Variants in NGF observed in about 807,000 individuals in gnomAD.
NGF encodes the protein beta-nerve growth factor.
In NGF, 4 loss-of-function variants were observed where a neutral mutation model predicts 12.8. That is an observed-to-expected ratio of 0.31 (90% CI 0.15 to 0.72). The LOEUF (loss-of-function observed/expected upper bound fraction) is 0.72, where lower values mean the gene tolerates loss of function less well. Among genes scored for constraint, NGF ranks in the 30% least tolerant of loss-of-function variants. The probability of loss-of-function intolerance (pLI) is 0.69; values close to 1 mark genes in which losing one functional copy is unlikely to be tolerated. For missense variants in NGF, 283 were observed against 330.8 expected (o/e 0.86, Z 1.12); for synonymous variants, 140 against 130.0 (o/e 1.08, Z -0.52).
chr1:115,331,217 T>C (rs1654913050), intron 1 of NGF, among the ~76,000 whole-genome samples: 1 of 152,180 alleles, frequency 6.6e-6, no homozygotes, highest in South Asian at 2.1e-4. Flanking sequence ...TCAGTTGGCA[T>C]CATGATTCCC....
intron 1 of NGF, among the ~76,000 whole-genome samples, chr1:115,311,319 T>A (rs1654330401): frequency 2.0e-5 from 3 of 152,234 alleles, no homozygotes; most frequent in Admixed American, 2.0e-4. Flanking sequence ...CTTGGAGTTG[T>A]CATCCAGATC....
In NGF at chr1:115,315,301, G is replaced by A. The variant is rs906938544; in HGVS notation, c.-136-21551C>T. 3.9e-5 allele frequency among the ~76,000 whole-genome samples: 6 copies of A among 152,200 alleles called. No individual in the cohort carries two copies. In the South Asian group the frequency reaches 1.2e-3, roughly 31 times the overall value. ...ACAATGGGGACCAAGAAGAGAAACCGGAAGATCAGTTAGGCAGCTCCTGCA... is the reference window on the plus strand; with the variant it reads ...ACAATGGGGACCAAGAAGAGAAACCAGAAGATCAGTTAGGCAGCTCCTGCA... On this transcript the variant is annotated intron_variant, in intron 1 of 2. Coordinates refer to ENST00000369512, the MANE Select transcript of NGF (RefSeq NM_002506.3).
chr1:115,300,685 A>C (rs548011566), intron 1 of NGF, among the ~76,000 whole-genome samples: 29 of 152,346 alleles, frequency 1.9e-4, no homozygotes, highest in African/African-American at 7.0e-4. Flanking sequence ...ATCTGACTCA[A>C]GGCATGAAAG....
intron 2 of NGF, among the ~76,000 whole-genome samples, chr1:115,289,508 G>C (rs1653618145): frequency 6.6e-6 from 1 of 152,018 alleles, no homozygotes; most frequent in Non-Finnish European, 1.5e-5. Context: ...TCCCATACCT[G>C]GATCTCGAAT....
At chr1:115,311,636 G>C (rs1027935852) in intron 1 of NGF, among the ~76,000 whole-genome samples, 1 of 152,116 alleles carries the variant, frequency 6.6e-6, no homozygotes, top group Non-Finnish European at 1.5e-5. Flanking sequence ...CAGAGGCTGA[G>C]AAATCCTGCC....
At chr1:115,322,521 TC>T (rs1477185339) in intron 1 of NGF, among the ~76,000 whole-genome samples, 1 of 151,670 alleles carries the variant, frequency 6.6e-6, no homozygotes, top group Non-Finnish European at 1.5e-5. Flanking sequence ...GGCTGCACTG[TC>T]CCCCCCTAAA....
Position 115,337,267 on chromosome 1 carries a change from G to GTTTGTTTTTTT in NGF, c.-137+936_-137+937insAAAAAAACAAA. Among the ~76,000 whole-genome samples the GTTTGTTTTTTT allele has an allele frequency of 1.7e-3, 136 of 81,010 alleles. 7 individuals carry two copies. Among genetic ancestry groups the GTTTGTTTTTTT allele is most frequent in the South Asian group, 2.8e-3 (7 of 2,496 alleles). 53.1% of individuals were successfully genotyped at this position (81,010 alleles called of 152,430 possible). On this transcript the variant is annotated intron_variant, in intron 1 of 2. Transcript: ENST00000369512. ...TCGAAATTTTTTTTGTTTTGTTTTT[G>GTTTGTTTTTTT]TTTTTTTTTTTTTTTTTTTTTTTTT... is the stretch of plus-strand genomic sequence containing the variant.
At chr1:115,337,267 G>GTTTTTTTTTTTTTTTTTTTTT (rs67307707) in intron 1 of NGF, among the ~76,000 whole-genome samples, 5 of 81,028 alleles carry the variant, frequency 6.2e-5, no homozygotes, top group East Asian at 7.3e-4. Flanking sequence ...TTTTGTTTTT[G>GTTTTTTTTTTTTTTTTTTTTT]TTTTTTTTTT....
intron 2 of NGF, among the ~76,000 whole-genome samples, chr1:115,292,602 G>A (rs560857726): frequency 1.3e-5 from 2 of 152,308 alleles, no homozygotes; most frequent in South Asian, 4.1e-4. Flanking sequence ...CCAGTGAGTG[G>A]CAGGGCCAGT....
intron 1 of NGF, 87 bp from the exon 2 acceptor site, chr1:115,293,837 A>G (rs1484082338): frequency 6.6e-6 from 1 of 152,642 alleles, no homozygotes; most frequent in Non-Finnish European, 1.5e-5. Flanking sequence ...CAATAGGACA[A>G]ATTCCATTTC....
intron 1 of NGF, among the ~76,000 whole-genome samples, chr1:115,294,926 G>T (rs1178740416): frequency 6.6e-6 from 1 of 152,200 alleles, no homozygotes; most frequent in Non-Finnish European, 1.5e-5. Context: ...ACAAGAGGGT[G>T]ATATTTACGG....
At position 115,286,243 on chromosome 1, in the gene NGF, C is replaced by T. The variant is rs141889164; in HGVS notation, c.553G>A (p.Val185Ile). 128 of 1,614,190 alleles carry T rather than the reference C, an allele frequency of 7.9e-5. 1 individual carries two copies. The African/African-American group carries it at 1.1e-3, about 13-fold the overall frequency. ...FETKCRDPNPVDSGCRGIDSK... is the reference protein window; with the variant it reads ...FETKCRDPNPIDSGCRGIDSK... ...TCAATGCCCCGGCACCCGCTGTCAA[C>T]GGGATTTGGGTCCCGGCACTTGGTC... The change falls in exon 3 of 3, where the codon GTT becomes ATT. Residue 185 changes from valine (V) to isoleucine (I), a missense_variant. Physicochemically the swap from Val to Ile is conservative, Grantham distance 29 (BLOSUM62 3). Transcript: ENST00000369512.
At position 115,300,094 on chromosome 1, in the gene NGF, A is replaced by C. The variant is rs138149106; in HGVS notation, c.-136-6344T>G. Among the ~76,000 whole-genome samples the C allele has an allele frequency of 4.2e-3, 640 of 152,338 alleles. 7 individuals carry two copies. The highest frequency in any genetic ancestry group is 0.037 in the Middle Eastern group (11 of 294). ...CCCTTTATTCTATTTGCTTTATAGG[A>C]TTGAATGTCCTCGGCTCTTCTTGAG... On this transcript the variant is annotated intron_variant, in intron 1 of 2. Coordinates refer to ENST00000369512, the MANE Select transcript of NGF (RefSeq NM_002506.3).
At chr1:115,335,653 A>G (rs942750214) in intron 1 of NGF, among the ~76,000 whole-genome samples, 2 of 152,098 alleles carry the variant, frequency 1.3e-5, no homozygotes, top group African/African-American at 4.8e-5. Flanking sequence ...AGGTCTCTTA[A>G]GGCTTGCTCT....
In NGF at chr1:115,325,930, C is replaced by T. The variant is rs75778219; in HGVS notation, c.-137+12274G>A. 1.4e-3 allele frequency among the ~76,000 whole-genome samples: 217 copies of T among 152,174 alleles called. 2 individuals carry two copies. The East Asian group carries it at 0.034, about 24-fold the overall frequency. ...GTAGAGAAGACTAGGAGAAAAGTAG[C>T]TTGGGGGTTAAAAAAAATTCTAAAT... is the stretch of plus-strand genomic sequence containing the variant. On this transcript the variant is annotated intron_variant, in intron 1 of 2. Coordinates refer to ENST00000369512, the MANE Select transcript of NGF (RefSeq NM_002506.3).
intron 1 of NGF, among the ~76,000 whole-genome samples, chr1:115,296,070 A>G (rs1251467075): frequency 6.6e-6 from 1 of 152,218 alleles, no homozygotes; most frequent in East Asian, 1.9e-4. Context: ...ATCTGGCCAG[A>G]CTAGTTAGAG....
intron 1 of NGF, among the ~76,000 whole-genome samples, chr1:115,329,744 C>CTTTTTTT (rs1039991768): frequency 2.1e-4 from 22 of 103,950 alleles, no homozygotes; most frequent in Admixed American, 3.2e-4. Context: ...TTCTTTCTTT[C>CTTTTTTT]TTTTTTTTTT....
intron 1 of NGF, among the ~76,000 whole-genome samples, chr1:115,296,012 G>A (rs1224006983): frequency 6.6e-6 from 1 of 152,210 alleles, no homozygotes; most frequent in East Asian, 1.9e-4. Context: ...TAAGTATGAT[G>A]TATATGTGAC....
chr1:115,331,380 C>T (rs79643416), intron 1 of NGF, among the ~76,000 whole-genome samples: 2,275 of 152,284 alleles, frequency 0.015, 59 homozygotes, highest in African/African-American at 0.052. Flanking sequence ...CACTGCCCTC[C>T]GAGGAGCCTC....
Sources: allele counts gnomAD v4.1 joint callset (sites outside exome capture counted in the v4.1 genomes callset), GRCh38; gene constraint gnomAD v4.1.1; transcripts MANE v1.5; gene names NCBI Gene and HGNC (gene_info 2026-07-23, HGNC 2026-07-21).